BMAL2: variants seen among roughly 807,000 people sequenced by gnomAD.
BMAL2 encodes basic helix-loop-helix ARNT like 2, also known as basic helix-loop-helix ARNT-like protein 2.
the BMAL2 span, chr12:27,390,300 T>C: frequency 6.6e-7 from 1 of 1,508,216 alleles, no homozygotes; most frequent in Non-Finnish European, 9.1e-7. Context: ...TCCTAAATAT[T>C]TTCTGTACAG....
chr12:27,347,341 C>A, the BMAL2 span, among the ~76,000 whole-genome samples: 1 of 152,188 alleles, frequency 6.6e-6, no homozygotes, highest in Non-Finnish European at 1.5e-5. Context: ...TTTTGGCCTT[C>A]CCCTTCATTT....
At chr12:27,404,433 T>C in the BMAL2 span, among the ~76,000 whole-genome samples, 1 of 152,024 alleles carries the variant, frequency 6.6e-6, no homozygotes, top group Non-Finnish European at 1.5e-5. Context: ...ATTTATTATA[T>C]GGTAAAAATT....
At chr12:27,382,746 T>C in the BMAL2 span, among the ~76,000 whole-genome samples, 1 of 152,190 alleles carries the variant, frequency 6.6e-6, no homozygotes, top group South Asian at 2.1e-4. Context: ...TGGATCATGT[T>C]ATTTTGGTCC....
chr12:27,376,889 A>T, the BMAL2 span, among the ~76,000 whole-genome samples: 1 of 151,002 alleles, frequency 6.6e-6, no homozygotes, highest in Non-Finnish European at 1.5e-5. Flanking sequence ...AGTCCCAGCT[A>T]CTCGGGGGGA....
the BMAL2 span, among the ~76,000 whole-genome samples, chr12:27,360,165 T>C: frequency 1.3e-5 from 2 of 151,012 alleles, no homozygotes; most frequent in South Asian, 4.2e-4. Context: ...ATATGCACAA[T>C]CTAAATTTAG....
At chr12:27,399,517 G>A in the BMAL2 span, among the ~76,000 whole-genome samples, 1 of 152,176 alleles carries the variant, frequency 6.6e-6, no homozygotes, top group Non-Finnish European at 1.5e-5. Context: ...GATTAAATGA[G>A]TTATACGTTT....
chr12:27,371,281 G>A, the BMAL2 span, among the ~76,000 whole-genome samples: 4 of 152,138 alleles, frequency 2.6e-5, no homozygotes, highest in African/African-American at 4.8e-5. Context: ...CCAGAAGTTC[G>A]AGGCTGCAGT....
the BMAL2 span, among the ~76,000 whole-genome samples, chr12:27,376,676 C>T: frequency 1.3e-5 from 2 of 152,156 alleles, no homozygotes; most frequent in Non-Finnish European, 2.9e-5. Context: ...TTAAACAAAT[C>T]AGTTACTTAT....
At chr12:27,363,917 C>A in the BMAL2 span, among the ~76,000 whole-genome samples, 1 of 152,106 alleles carries the variant, frequency 6.6e-6, no homozygotes, top group East Asian at 1.9e-4. Flanking sequence ...TTTTCTTAGT[C>A]CATTGATGCT....
chr12:27,424,475 A>G, the BMAL2 span: 2 of 152,272 alleles, frequency 1.3e-5, no homozygotes, highest in Non-Finnish European at 2.9e-5. Context: ...AGTACAGAAT[A>G]GAGACTTTTA....
the BMAL2 span, among the ~76,000 whole-genome samples, chr12:27,355,228 T>C: frequency 6.6e-6 from 1 of 152,108 alleles, no homozygotes; most frequent in Non-Finnish European, 1.5e-5. Flanking sequence ...CTTAGAGACA[T>C]TTCCTCTCCT....
At chr12:27,376,924 T>C in the BMAL2 span, among the ~76,000 whole-genome samples, 1,489 of 142,328 alleles carry the variant, frequency 0.01, 19 homozygotes, top group African/African-American at 0.037. Flanking sequence ...TGGCGTGAAC[T>C]CGGGAGGCAG....
chr12:27,359,071 A>C, the BMAL2 span, among the ~76,000 whole-genome samples: 1 of 152,188 alleles, frequency 6.6e-6, no homozygotes, highest in Non-Finnish European at 1.5e-5. Context: ...ACTGCTTGTC[A>C]TTCTAGAAGG....
chr12:27,384,364 C>T, the BMAL2 span, among the ~76,000 whole-genome samples: 1 of 152,102 alleles, frequency 6.6e-6, no homozygotes, highest in Non-Finnish European at 1.5e-5. Flanking sequence ...TTAATTATTT[C>T]ATTTATATTT....
At chr12:27,373,548 G>C in the BMAL2 span, among the ~76,000 whole-genome samples, 2 of 152,224 alleles carry the variant, frequency 1.3e-5, no homozygotes, top group African/African-American at 2.4e-5. Context: ...TGGGGGCTGA[G>C]GATATACTCT....
the BMAL2 span, among the ~76,000 whole-genome samples, chr12:27,412,305 A>G: frequency 6.6e-6 from 1 of 152,228 alleles, no homozygotes; most frequent in Non-Finnish European, 1.5e-5. Flanking sequence ...AGAAGGAATC[A>G]TAGTGGCTTC....
the BMAL2 span, chr12:27,390,258 A>G: frequency 6.2e-7 from 1 of 1,609,676 alleles, no homozygotes; most frequent in Non-Finnish European, 8.5e-7. Flanking sequence ...TTGAAATGTC[A>G]AGTGATGCAA....
At chr12:27,338,660 G>A in the BMAL2 span, among the ~76,000 whole-genome samples, 1 of 152,244 alleles carries the variant, frequency 6.6e-6, no homozygotes, top group South Asian at 2.1e-4. Flanking sequence ...TCCAAGGTCT[G>A]TGATGAGGCA....
the BMAL2 span, among the ~76,000 whole-genome samples, chr12:27,342,384 A>G: frequency 1.3e-5 from 2 of 152,264 alleles, no homozygotes; most frequent in African/African-American, 4.8e-5. Flanking sequence ...CCAATAGAGT[A>G]CTTAAGCTAT....
Sources: gnomAD v4.1 joint callset for allele counts (sites outside exome capture counted in the v4.1 genomes callset) on GRCh38, gnomAD v4.1.1 for gene constraint, MANE v1.5 for transcripts, NCBI Gene and HGNC (gene_info 2026-07-23, HGNC 2026-07-21) for gene names.